The following PTPRT variants were observed in gnomAD, a reference collection of about 807,000 sequenced individuals.
The protein encoded by PTPRT is receptor-type tyrosine-protein phosphatase T.
In PTPRT, 56 loss-of-function variants were observed where a neutral mutation model predicts 176.8. The ratio of observed to expected loss-of-function variants is 0.32; its 90% CI spans 0.26 to 0.40. The LOEUF (loss-of-function observed/expected upper bound fraction) is 0.40, where lower values mean the gene tolerates loss of function less well. PTPRT is among the 10% of genes least tolerant of loss of function. The pLI, the probability that PTPRT is intolerant of heterozygous loss-of-function variation, is 1.00. For synonymous variants in PTPRT, 783 were observed against 739.0 expected (o/e 1.06, Z -0.96); for missense variants, 1,540 against 1,908.2 (o/e 0.81, Z 3.60).
At position 42,315,856 on chromosome 20, in the gene PTPRT, T is replaced by C. The variant is rs764382813; in HGVS notation, c.2006A>G (p.Lys669Arg). Residue 669 changes from lysine to arginine, a missense_variant, in exon 12 of 31, where the codon AAG becomes AGG. This residue lies in a region of PTPRT where 81 missense variants were observed against 89.9 expected (regional missense o/e 0.90). Coordinates refer to ENST00000373187, the MANE Select transcript of PTPRT (RefSeq NM_007050.6). ...DSLHYFAAEL[K>R]PANLPVTQPF... Reference sequence around the variant, plus strand: ...CTGGGTGACAGGCAGGTTGGCAGGCTTCAACTCAGCAGCAAAGTAGTGTAG... The same window carrying C: ...CTGGGTGACAGGCAGGTTGGCAGGCCTCAACTCAGCAGCAAAGTAGTGTAG... 1.9e-6 allele frequency: 3 copies of C among 1,614,136 alleles called. No homozygotes were observed. In the Admixed American group the frequency reaches 5.0e-5, roughly 27 times the overall value.
At chr20:42,939,205 G>A (rs193103124) in intron 1 of PTPRT, among the ~76,000 whole-genome samples, 34 of 152,292 alleles carry the variant, frequency 2.2e-4, no homozygotes, top group African/African-American at 4.3e-4. Context: ...TAAACATTTC[G>A]TCAATTTCAA....
chr20:43,043,619 C>G (rs942822008), intron 1 of PTPRT, among the ~76,000 whole-genome samples: 1 of 152,160 alleles, frequency 6.6e-6, no homozygotes, highest in African/African-American at 2.4e-5. Flanking sequence ...GCCTTTCTGC[C>G]TCTGAGCTTC....
chr20:42,372,956 C>A (rs576944152), intron 9 of PTPRT, among the ~76,000 whole-genome samples: 1 of 152,332 alleles, frequency 6.6e-6, no homozygotes, highest in East Asian at 1.9e-4. Flanking sequence ...GTTACAGCCA[C>A]CTGAATGGAC....
rs2015038799 is a variant in PTPRT, at chr20:43,172,910, T to C, written c.88+16736A>G. ...TTTTTGAGATGGAGTTTCACTCTTG[T>C]TGCCCAGGCTGGAGTGCAATGGCAC... On this transcript the variant is annotated intron_variant, in intron 1 of 30. Coordinates refer to ENST00000373187, the MANE Select transcript of PTPRT (RefSeq NM_007050.6). Among the ~76,000 whole-genome samples, 3 of 149,998 alleles carry C rather than the reference T, an allele frequency of 2.0e-5. No homozygotes were observed. The Admixed American group carries it at 2.0e-4, about 10-fold the overall frequency.
chr20:42,789,366 A>G (rs962251), intron 3 of PTPRT, among the ~76,000 whole-genome samples: 17,479 of 152,224 alleles, frequency 0.11, 1,113 homozygotes, highest in South Asian at 0.21. Flanking sequence ...TGTGGTTCCC[A>G]TTATATTTAT....
chr20:42,613,754 C>T lies in PTPRT; in HGVS notation c.1153+64112G>A, dbSNP rs575129216. Among the ~76,000 whole-genome samples, 4 of 152,140 alleles carry T rather than the reference C, an allele frequency of 2.6e-5. No individual in the cohort carries two copies. The South Asian group carries it at 6.2e-4, about 24-fold the overall frequency. On this transcript the variant is annotated intron_variant, in intron 7 of 30. Transcript: ENST00000373187. Reference sequence around the variant, plus strand: ...GAAAGAAAATTTCAACACTAAATCCCTTAGTCTTTCCTTTTCCTTTCTATT... The same window carrying T: ...GAAAGAAAATTTCAACACTAAATCCTTTAGTCTTTCCTTTTCCTTTCTATT...
At chr20:42,644,876 C>G (rs1325444489) in intron 7 of PTPRT, among the ~76,000 whole-genome samples, 1 of 152,156 alleles carries the variant, frequency 6.6e-6, no homozygotes, top group African/African-American at 2.4e-5. Flanking sequence ...AGTATGTGCT[C>G]TTCCATTTCT....
intron 14 of PTPRT, among the ~76,000 whole-genome samples, chr20:42,242,723 A>G (rs2056377900): frequency 6.6e-6 from 1 of 152,132 alleles, no homozygotes; most frequent in Non-Finnish European, 1.5e-5. Flanking sequence ...AGCTAAGAAG[A>G]ACTAAGAAAC....
chr20:42,968,791 C>T (rs1039571832), intron 1 of PTPRT: 7 of 152,242 alleles, frequency 4.6e-5, no homozygotes, highest in African/African-American at 1.7e-4. Context: ...GGCACCAGGG[C>T]CTAGGTCTGC....
intron 12 of PTPRT, among the ~76,000 whole-genome samples, chr20:42,288,224 G>T (rs2057262889): frequency 1.3e-5 from 2 of 151,984 alleles, no homozygotes; most frequent in South Asian, 2.1e-4. Flanking sequence ...CAGCACCTCA[G>T]AAGTTTCCCT....
intron 3 of PTPRT, among the ~76,000 whole-genome samples, chr20:42,790,635 A>G (rs956493363): frequency 4.6e-5 from 7 of 152,164 alleles, no homozygotes; most frequent in African/African-American, 1.7e-4. Flanking sequence ...GCCATAGTCT[A>G]TCATCCACCC....
chr20:42,532,539 C>A (rs1444586604), intron 7 of PTPRT, among the ~76,000 whole-genome samples: 5 of 152,136 alleles, frequency 3.3e-5, no homozygotes, highest in Non-Finnish European at 7.4e-5. Flanking sequence ...GTAGCTGGGG[C>A]CACAGGTGTG....
At chr20:42,099,552 G>GC (rs1491167246) in intron 26 of PTPRT, among the ~76,000 whole-genome samples, 1 of 60,270 alleles carries the variant, frequency 1.7e-5, no homozygotes, top group African/African-American at 4.6e-5. Context: ...TGGGCGGGGG[G>GC]GGGGGGGGTG....
intron 13 of PTPRT, among the ~76,000 whole-genome samples, chr20:42,256,554 G>GA (rs113206254): frequency 0.037 from 5,522 of 149,354 alleles, 340 homozygotes; most frequent in African/African-American, 0.13. Flanking sequence ...GTTGATACAG[G>GA]AAAAAAAAAT....
chr20:42,955,415 G>A (rs1449189610), intron 1 of PTPRT, among the ~76,000 whole-genome samples: 3 of 152,134 alleles, frequency 2.0e-5, no homozygotes, highest in African/African-American at 2.4e-5. Flanking sequence ...TCTTTTAACA[G>A]GCTGTGGAAC....
intron 1 of PTPRT, among the ~76,000 whole-genome samples, chr20:43,090,978 C>T (rs1015041939): frequency 1.3e-5 from 2 of 152,184 alleles, no homozygotes; most frequent in Non-Finnish European, 2.9e-5. Context: ...CGCCTGTAAT[C>T]CCAGAACTTT....
intron 27 of PTPRT, among the ~76,000 whole-genome samples, chr20:42,095,691 T>C (rs375911380): frequency 6.6e-6 from 1 of 152,324 alleles, no homozygotes; most frequent in Admixed American, 6.5e-5. Context: ...CATTAGAGAA[T>C]GTGTGTTGCT....
chr20:42,420,131 T>C (rs549790348), intron 9 of PTPRT, among the ~76,000 whole-genome samples: 39 of 152,184 alleles, frequency 2.6e-4, no homozygotes, highest in Admixed American at 4.6e-4. Flanking sequence ...TGCTTTCCTA[T>C]GGCAGCCCTG....
At chr20:42,837,618 T>G (rs2078204657) in intron 2 of PTPRT, among the ~76,000 whole-genome samples, 1 of 152,164 alleles carries the variant, frequency 6.6e-6, no homozygotes, top group Non-Finnish European at 1.5e-5. Context: ...CATTTAACAC[T>G]CACTACATTA....
Sources: allele counts gnomAD v4.1 joint callset (sites outside exome capture counted in the v4.1 genomes callset), GRCh38; gene constraint gnomAD v4.1.1; regional missense constraint gnomAD v4.1.1; transcripts MANE v1.5; gene names NCBI Gene and HGNC (gene_info 2026-07-23, HGNC 2026-07-21).